Variants in OCLN observed in about 807,000 individuals in gnomAD.
The protein encoded by OCLN is occludin.
In OCLN, 21 loss-of-function variants were observed where a neutral mutation model predicts 47.9. That is an observed-to-expected ratio of 0.44 (90% CI 0.31 to 0.63). The LOEUF is 0.63. Among genes scored for constraint, OCLN ranks in the 30% least tolerant of loss-of-function variants. The pLI, the probability that OCLN is intolerant of heterozygous loss-of-function variation, is 0.08. For missense variants in OCLN, 360 were observed against 571.0 expected, an observed-to-expected ratio of 0.63 and a Z score of 3.77; for synonymous variants, 117 against 198.4, an observed-to-expected ratio of 0.59 and a Z score of 3.45.
rs1769978637 is a variant in OCLN, at chr5:69,557,420, AC to A, written c.*3754del. 1.3e-5 allele frequency: 1 copy of A among 79,620 alleles called. No individual in the cohort carries two copies. Among genetic ancestry groups the A allele is most frequent in the Non-Finnish European group, 3.8e-5 (1 of 26,242 alleles). 4.9% of individuals were successfully genotyped at this position (79,620 alleles called of 1,614,324 possible). On this transcript the variant is annotated 3_prime_UTR_variant, in exon 9 of 9. Coordinates refer to ENST00000396442, the MANE Select transcript of OCLN (RefSeq NM_001205254.2). The stretch of plus-strand genomic sequence containing the variant: ...TGTCTAAAAGTAAATATGCCTAGCT[AC>A]CCCCATCTTCCAAAGCCAGAAGGTG...
At chr5:69,504,395 G>A (rs1352324652) in intron 2 of OCLN, 101 bp downstream of exon 2, 4 of 764,126 alleles carry the variant, frequency 5.2e-6, no homozygotes, top group Non-Finnish European at 4.7e-6. Context: ...AAAATAAAAC[G>A]ATATGTGTAC....
intron 4 of OCLN, among the ~76,000 whole-genome samples, chr5:69,521,428 T>C (rs1013105351): frequency 2.6e-5 from 4 of 152,172 alleles, no homozygotes; most frequent in Non-Finnish European, 5.9e-5. Context: ...TTGCTAGTGT[T>C]TGTGTAAGAT....
chr5:69,533,026 TACAC>T (rs1224177769), intron 4 of OCLN, among the ~76,000 whole-genome samples: 28 of 148,938 alleles, frequency 1.9e-4, no homozygotes, highest in African/African-American at 2.7e-4. Context: ...TGTGTGTGTA[TACAC>T]ACACACATGT....
intron 4 of OCLN, among the ~76,000 whole-genome samples, chr5:69,521,406 C>T (rs1182484318): frequency 6.6e-6 from 1 of 152,134 alleles, no homozygotes; most frequent in Non-Finnish European, 1.5e-5. Flanking sequence ...TCTCACATGT[C>T]TTTATGCACT....
chr5:69,514,440 G>A (rs1282537699), intron 4 of OCLN, among the ~76,000 whole-genome samples: 2 of 151,968 alleles, frequency 1.3e-5, no homozygotes, highest in Non-Finnish European at 2.9e-5. Flanking sequence ...TATCATTTTG[G>A]AGATAAACAG....
chr5:69,497,385 A>ATTTTTTT (rs373562576), intron 1 of OCLN, among the ~76,000 whole-genome samples: 2 of 116,316 alleles, frequency 1.7e-5, no homozygotes, highest in Non-Finnish European at 1.7e-5. Context: ...GTTTTTCTAG[A>ATTTTTTT]TTTTTTTTTT....
chr5:69,528,195 C>A (rs537065259), intron 4 of OCLN, among the ~76,000 whole-genome samples: 1 of 151,948 alleles, frequency 6.6e-6, no homozygotes, highest in Non-Finnish European at 1.5e-5. Flanking sequence ...ACAGGAAAAA[C>A]GAGTTAGACC....
At chr5:69,508,621 A>G (rs1257545582) in intron 2 of OCLN, among the ~76,000 whole-genome samples, 1 of 152,128 alleles carries the variant, frequency 6.6e-6, no homozygotes, top group East Asian at 1.9e-4. Context: ...GATTACAGAC[A>G]TGAGCCACCG....
At position 69,557,773 on chromosome 5, in the gene OCLN, C is replaced by T. The variant is rs1769982341; in HGVS notation, c.*4102C>T. 1.2e-5 allele frequency: 1 copy of T among 81,644 alleles called. No homozygotes were observed. The highest frequency in any genetic ancestry group is 3.0e-5 in the African/African-American group (1 of 33,378). 5.1% of individuals were successfully genotyped at this position (81,644 alleles called of 1,614,324 possible). A position where few individuals can be genotyped will look rare whatever the true frequency, so the allele number is the denominator to read the frequency against. On this transcript the variant is annotated 3_prime_UTR_variant, in exon 9 of 9. Coordinates refer to ENST00000396442, the MANE Select transcript of OCLN (RefSeq NM_001205254.2). ...AATAGACAGGTTCACTTCTCCCAGTCTTTCAAGTTGCATGCTTTTTATATC... is the reference window on the plus strand; with the variant it reads ...AATAGACAGGTTCACTTCTCCCAGTTTTTCAAGTTGCATGCTTTTTATATC...
chr5:69,550,686 T>C (rs1387569091), intron 7 of OCLN, among the ~76,000 whole-genome samples: 28 of 93,808 alleles, frequency 3.0e-4, no homozygotes, highest in African/African-American at 1.0e-3. Flanking sequence ...ATCTACTTTT[T>C]AGTTTTGACG....
chr5:69,519,341 C>T (rs1208442586), intron 4 of OCLN, among the ~76,000 whole-genome samples: 2 of 152,136 alleles, frequency 1.3e-5, no homozygotes, highest in Non-Finnish European at 2.9e-5. Context: ...AAAAGCTGTG[C>T]CTTCAGTGTT....
intron 4 of OCLN, among the ~76,000 whole-genome samples, chr5:69,519,852 T>C (rs760927483): frequency 5.3e-5 from 8 of 152,278 alleles, no homozygotes; most frequent in Non-Finnish European, 8.8e-5. Flanking sequence ...GGTTTTGCAT[T>C]CCGCCAATAC....
intron 4 of OCLN, among the ~76,000 whole-genome samples, chr5:69,519,771 A>C (rs112310732): frequency 1.3e-5 from 2 of 152,070 alleles, no homozygotes; most frequent in African/African-American, 4.8e-5. Flanking sequence ...TGTATACCCA[A>C]ATCCATGCAT....
chr5:69,523,864 T>C (rs1453771537), intron 4 of OCLN, among the ~76,000 whole-genome samples: 1 of 152,100 alleles, frequency 6.6e-6, no homozygotes, highest in Non-Finnish European at 1.5e-5. Flanking sequence ...AACTGGACTT[T>C]AAGGCTGAGC....
chr5:69,502,243 A>G (rs1397364171), intron 1 of OCLN: 1 of 152,088 alleles, frequency 6.6e-6, no homozygotes, highest in Non-Finnish European at 1.5e-5. Context: ...AAGTTTTAAG[A>G]GTCTGAATTG....
chr5:69,522,447 AT>A (rs1561343939), intron 4 of OCLN, among the ~76,000 whole-genome samples: 1 of 152,210 alleles, frequency 6.6e-6, no homozygotes, highest in African/African-American at 2.4e-5. Context: ...CCAGAAACAT[AT>A]TTTTTTAAAC....
intron 4 of OCLN, among the ~76,000 whole-genome samples, chr5:69,532,967 C>CA (rs200582624): frequency 1.3e-3 from 143 of 107,150 alleles, no homozygotes; most frequent in African/African-American, 1.2e-3. Flanking sequence ...GACTCTGTCT[C>CA]AAAAAAAATA....
chr5:69,520,776 T>C (rs1313555722), intron 4 of OCLN, among the ~76,000 whole-genome samples: 1 of 152,144 alleles, frequency 6.6e-6, no homozygotes, highest in Non-Finnish European at 1.5e-5. Context: ...TCAAACTTGT[T>C]AATATTTGTA....
intron 4 of OCLN, among the ~76,000 whole-genome samples, chr5:69,533,727 A>C (rs1769512170): frequency 6.6e-6 from 1 of 152,172 alleles, no homozygotes; most frequent in Non-Finnish European, 1.5e-5. Flanking sequence ...ATCTCTGCTC[A>C]CTGCAACCTC....
Sources: allele counts gnomAD v4.1 joint callset (sites outside exome capture counted in the v4.1 genomes callset), GRCh38; gene constraint gnomAD v4.1.1; transcripts MANE v1.5; gene names NCBI Gene and HGNC (gene_info 2026-07-23, HGNC 2026-07-21).